Variants in TINAG observed in about 807,000 individuals in gnomAD.
TINAG encodes the protein tubulointerstitial nephritis antigen.
A neutral mutation model predicts 72.7 loss-of-function variants in TINAG; 83 were observed. The observed-to-expected ratio is 1.14, with a 90% CI of 0.96 to 1.37. The LOEUF is 1.37. Ranked by LOEUF, TINAG falls within the 40% of genes most tolerant of loss-of-function variation. TINAG has a pLI of 0.00. For missense variants in TINAG, 685 were observed against 576.6 expected, an observed-to-expected ratio of 1.19 and a Z score of -1.93; for synonymous variants, 234 against 189.9, an observed-to-expected ratio of 1.23 and a Z score of -1.91.
intron 7 of TINAG, among the ~76,000 whole-genome samples, chr6:54,350,218 CT>C (rs34299601): frequency 6.6e-6 from 1 of 151,650 alleles, no homozygotes; most frequent in Admixed American, 6.6e-5. Context: ...TTTTCACTGA[CT>C]TTTTTGTGGT....
intron 1 of TINAG, among the ~76,000 whole-genome samples, chr6:54,315,849 C>T (rs756042788): frequency 6.6e-6 from 1 of 152,210 alleles, no homozygotes; most frequent in South Asian, 2.1e-4. Flanking sequence ...TTTGATTATG[C>T]ACAATATGTT....
chr6:54,340,502 C>A (rs1024034492), intron 4 of TINAG, among the ~76,000 whole-genome samples: 1 of 151,850 alleles, frequency 6.6e-6, no homozygotes, highest in Non-Finnish European at 1.5e-5. Flanking sequence ...TTTATAAACT[C>A]TAAACAATTT....
intron 10 of TINAG, among the ~76,000 whole-genome samples, chr6:54,387,852 T>A (rs1379897273): frequency 6.6e-6 from 1 of 151,968 alleles, no homozygotes; most frequent in Admixed American, 6.6e-5. Flanking sequence ...ATAGAAGAAA[T>A]GAGAGTAGGA....
chr6:54,346,209 A>C (rs1338584298), intron 5 of TINAG, among the ~76,000 whole-genome samples: 6 of 152,070 alleles, frequency 3.9e-5, no homozygotes, highest in Admixed American at 3.9e-4. Context: ...CTACTGGTTA[A>C]TTAGTTTCCC....
intron 10 of TINAG, among the ~76,000 whole-genome samples, chr6:54,385,170 A>G (rs1221056752): frequency 6.6e-6 from 1 of 152,120 alleles, no homozygotes; most frequent in Non-Finnish European, 1.5e-5. Context: ...AAAGCAAAAA[A>G]AAGTAAAAGA....
At chr6:54,376,313 A>G (rs1763776117) in intron 9 of TINAG, among the ~76,000 whole-genome samples, 1 of 152,194 alleles carries the variant, frequency 6.6e-6, no homozygotes, top group South Asian at 2.1e-4. Context: ...TTCGAAAGCA[A>G]AATATATGTC....
chr6:54,385,624 G>A (rs964028259), intron 10 of TINAG, among the ~76,000 whole-genome samples: 1 of 151,936 alleles, frequency 6.6e-6, no homozygotes, highest in African/African-American at 2.4e-5. Context: ...ATAAGGAACA[G>A]TTACTTCCAA....
chr6:54,388,188 T>C (rs1484959966), intron 10 of TINAG, among the ~76,000 whole-genome samples: 1 of 152,174 alleles, frequency 6.6e-6, no homozygotes, highest in Admixed American at 6.6e-5. Flanking sequence ...ATTTGATATA[T>C]AGATACAGAT....
intron 7 of TINAG, among the ~76,000 whole-genome samples, chr6:54,350,734 T>A (rs1350757567): frequency 1.3e-5 from 2 of 150,574 alleles, no homozygotes; most frequent in Non-Finnish European, 3.0e-5. Flanking sequence ...CAGGCAGAAT[T>A]AATTTTCCTT....
At chr6:54,369,358 A>G (rs1054740756) in intron 9 of TINAG, among the ~76,000 whole-genome samples, 3 of 151,984 alleles carry the variant, frequency 2.0e-5, no homozygotes, top group Non-Finnish European at 4.4e-5. Context: ...ATACACATTA[A>G]AACAACTCAA....
intron 9 of TINAG, among the ~76,000 whole-genome samples, chr6:54,365,077 G>A (rs1440636040): frequency 6.6e-6 from 1 of 151,392 alleles, no homozygotes; most frequent in East Asian, 1.9e-4. Flanking sequence ...TTTAACCTCT[G>A]GCAAATTGAT....
At chr6:54,338,637 T>C (rs1202988528) in intron 4 of TINAG, among the ~76,000 whole-genome samples, 1 of 142,750 alleles carries the variant, frequency 7.0e-6, no homozygotes, top group Non-Finnish European at 1.5e-5. Context: ...GGCAGGAGAA[T>C]CATTTGAAAC....
At chr6:54,372,384 G>T (rs1389440297) in intron 9 of TINAG, among the ~76,000 whole-genome samples, 1 of 152,014 alleles carries the variant, frequency 6.6e-6, no homozygotes, top group South Asian at 2.1e-4. Context: ...ACCTTCCAAA[G>T]TTAGCTTAAT....
At chr6:54,376,445 A>G (rs189755828) in intron 9 of TINAG, among the ~76,000 whole-genome samples, 241 of 152,258 alleles carry the variant, frequency 1.6e-3, no homozygotes, top group Non-Finnish European at 2.6e-3. Flanking sequence ...TTGCTTTAAT[A>G]AAGTTTTATT....
chr6:54,368,702 A>T (rs1212874491), intron 9 of TINAG, among the ~76,000 whole-genome samples: 1 of 151,608 alleles, frequency 6.6e-6, no homozygotes, highest in Non-Finnish European at 1.5e-5. Flanking sequence ...CTCAATATTT[A>T]TGTAGTTATT....
Position 54,349,833 on chromosome 6 carries a change from C to T in TINAG, c.1017C>T (p.Pro339=). 3.1e-6 allele frequency: 5 copies of T among 1,610,240 alleles called. No individual in the cohort carries two copies. The highest frequency in any genetic ancestry group is 4.2e-6 in the Non-Finnish European group (5 of 1,177,656). The change falls in exon 7 of 11, where the codon CCC becomes CCT. Residue 339 remains proline, a synonymous_variant. Transcript: ENST00000259782. ...AACGGCATGCCACGAAGCCATGTCC[C>T]AACAACGTAGAAAAATCTAACAGGA... The part of the protein sequence containing the change: ...RGKRHATKPC[P]NNVEKSNRIY...
chr6:54,330,685 T>C (rs1784717822), intron 4 of TINAG, among the ~76,000 whole-genome samples: 1 of 151,936 alleles, frequency 6.6e-6, no homozygotes, highest in Non-Finnish European at 1.5e-5. Context: ...TTTGAAAAGA[T>C]TAACAAAACA....
intron 9 of TINAG, among the ~76,000 whole-genome samples, chr6:54,371,540 T>A (rs1035615402): frequency 6.6e-6 from 1 of 151,628 alleles, no homozygotes; most frequent in East Asian, 1.9e-4. Flanking sequence ...TATAATGTGA[T>A]ATAATTTTAC....
At chr6:54,341,479 C>A (rs191874176) in intron 4 of TINAG, among the ~76,000 whole-genome samples, 1 of 152,256 alleles carries the variant, frequency 6.6e-6, no homozygotes, top group East Asian at 1.9e-4. Flanking sequence ...TTTCTTCCAT[C>A]ATCAAAATAG....
Sources: allele counts gnomAD v4.1 joint callset (sites outside exome capture counted in the v4.1 genomes callset), GRCh38; gene constraint gnomAD v4.1.1; transcripts MANE v1.5; gene names NCBI Gene and HGNC (gene_info 2026-07-23, HGNC 2026-07-21).